Variants in LPIN2 observed in about 807,000 individuals in gnomAD.
The protein encoded by LPIN2 is phosphatidate phosphatase LPIN2.
In LPIN2, 55 loss-of-function variants were observed where a neutral mutation model predicts 111.4. That is an observed-to-expected ratio of 0.49 (90% confidence interval 0.40 to 0.62). LPIN2 has a LOEUF of 0.62. Among genes scored for constraint, LPIN2 ranks in the 20% least tolerant of loss-of-function variants. The pLI is 0.00. For missense variants in LPIN2, 992 were observed against 1,112.1 expected (o/e 0.89, Z 1.54); for synonymous variants, 425 against 414.0 (o/e 1.03, Z -0.32).
At position 2,920,727 on chromosome 18, in the gene LPIN2, A is replaced by T. The variant is rs3737514; in HGVS notation, c.2546+51T>A. On this transcript the variant is annotated intron_variant, in intron 19 of 19. Transcript: ENST00000677752. ...AAAGGACAGGGTCTGTCTGTCCCCAACTGTACCCCTGGCTGCAGGGCGCCG... is the reference window on the plus strand; with the variant it reads ...AAAGGACAGGGTCTGTCTGTCCCCATCTGTACCCCTGGCTGCAGGGCGCCG... The T allele has an allele frequency of 0.15, 205,021 of 1,382,128 alleles. 21,571 individuals carry two copies. Among genetic ancestry groups the T allele is most frequent in the East Asian group, 0.57 (25,082 of 43,646 alleles). The allele number at this position is 1,382,128 out of a possible 1,614,324, so 85.6% of individuals were successfully genotyped here.
At position 2,925,439 on chromosome 18, in the gene LPIN2, T is replaced by C; in HGVS notation, c.1794-71A>G. ...ATTGATGAGAGCTTTTCATTTAGGA[T>C]CAAGAAAATAAAGATATCCTAAATC... On this transcript the variant is annotated intron_variant, in intron 13 of 19. Transcript: ENST00000677752. This position sits in a 1 kb window ranked among gnomAD's most constrained non-coding sequence, Gnocchi z 4.1. 6.3e-7 allele frequency: 1 copy of C among 1,596,496 alleles called. No homozygotes were observed.
intron 1 of LPIN2, among the ~76,000 whole-genome samples, chr18:2,983,412 A>G (rs572864194): frequency 1.3e-5 from 2 of 152,374 alleles, no homozygotes; most frequent in Admixed American, 6.5e-5. Flanking sequence ...TGTAAAATTA[A>G]AACATTCCTG....
chr18:2,924,776 A>T (rs915824276), intron 14 of LPIN2, among the ~76,000 whole-genome samples: 2 of 152,142 alleles, frequency 1.3e-5, no homozygotes, highest in Non-Finnish European at 2.9e-5. Flanking sequence ...ACAAAGCAAA[A>T]GGTCTACTAC....
intron 1 of LPIN2, among the ~76,000 whole-genome samples, chr18:2,968,069 TCTC>T (rs760455703): frequency 3.3e-5 from 5 of 152,020 alleles, no homozygotes; most frequent in South Asian, 2.1e-4. Flanking sequence ...GCCCCAAATG[TCTC>T]CTCAAGAACA....
At chr18:3,011,099 AG>A (rs1291918549) in intron 1 of LPIN2, among the ~76,000 whole-genome samples, 2 of 152,160 alleles carry the variant, frequency 1.3e-5, no homozygotes, top group Admixed American at 6.5e-5. Context: ...TTTGGCTTTC[AG>A]GAACTCTGGG....
At chr18:2,920,706 G>T in intron 19 of LPIN2, 72 bp downstream of exon 19, 2 of 1,146,786 alleles carry the variant, frequency 1.7e-6, no homozygotes, top group Non-Finnish European at 2.6e-6. Context: ...GGGGGAAAAG[G>T]ACAGGGTCTG....
At chr18:3,012,820 C>A (rs1391548720) in intron 1 of LPIN2, among the ~76,000 whole-genome samples, 3 of 151,770 alleles carry the variant, frequency 2.0e-5, no homozygotes. Context: ...CCCCGGCTCC[C>A]CGCGCACCCC....
chr18:2,978,804 T>C (rs772497269), intron 1 of LPIN2, among the ~76,000 whole-genome samples: 1 of 152,220 alleles, frequency 6.6e-6, no homozygotes, highest in Non-Finnish European at 1.5e-5. Flanking sequence ...GGCATCATCG[T>C]CCTTGGGGCT....
At position 2,918,789 on chromosome 18, in the gene LPIN2, A is replaced by C. The variant is rs751740607; in HGVS notation, c.*1504T>G. 2.0e-5 allele frequency: 3 copies of C among 152,176 alleles called. No homozygotes were observed. The highest frequency in any genetic ancestry group is 6.5e-5 in the Admixed American group (1 of 15,278). 9.4% of individuals were successfully genotyped at this position (152,176 alleles called of 1,614,324 possible). ...GAAAAATAACCACCCCTATTTCTCT[A>C]TCTCTAGATCAGCATTATTTTAGGT... On this transcript the variant is annotated 3_prime_UTR_variant, in exon 20 of 20. Coordinates refer to ENST00000677752, the MANE Select transcript of LPIN2 (RefSeq NM_001375808.2).
intron 7 of LPIN2, 21 bp from the exon 8 acceptor site, chr18:2,934,471 AG>A: frequency 5.3e-6 from 8 of 1,507,368 alleles, no homozygotes; most frequent in Non-Finnish European, 7.4e-6. Context: ...AAAAAATCAG[AG>A]GTAAGAATTT....
At position 2,922,058 on chromosome 18, in the gene LPIN2, G is replaced by A. The variant is rs145270447; in HGVS notation, c.2316C>T (p.Ser772=). Residue 772 remains serine, a synonymous_variant, in exon 17 of 20, where the codon TCC becomes TCT. Transcript: ENST00000677752. ...PLMLSPSSLF[S]AFHREVIEKK... The stretch of plus-strand genomic sequence containing the variant: ...TGCCGGAGAGGTACCTGTGGAAGGC[G>A]GAGAACAAGCTGCTGGGGGACAGCA... 2.7e-4 allele frequency: 442 copies of A among 1,613,114 alleles called. 1 individual carries two copies. Among genetic ancestry groups the A allele is most frequent in the South Asian group, 6.4e-4 (58 of 91,038 alleles).
intron 1 of LPIN2, among the ~76,000 whole-genome samples, chr18:2,992,900 G>A (rs2078285699): frequency 6.6e-6 from 1 of 151,138 alleles, no homozygotes; most frequent in Non-Finnish European, 1.5e-5. Context: ...GCAGGAGAAT[G>A]GCGTGAACCT....
intron 3 of LPIN2, 112 bp from the exon 4 acceptor site, chr18:2,951,468 T>A: frequency 1.1e-6 from 1 of 897,938 alleles, no homozygotes; most frequent in African/African-American, 1.7e-5. Context: ...AAAAAATACA[T>A]ATTCCCTAAA....
Position 2,960,695 on chromosome 18 carries a change from T to A in LPIN2, c.146A>T (p.His49Leu), listed in dbSNP as rs1206251835. 6.2e-7 allele frequency: 1 copy of A among 1,614,036 alleles called. No homozygotes were observed. Among genetic ancestry groups the A allele is most frequent in the Admixed American group, 1.7e-5 (1 of 60,018 alleles). The change falls in exon 2 of 20, where the codon CAC (histidine) becomes CTC (leucine). Residue 49 changes from histidine to leucine, a missense_variant. Physicochemically the swap from His to Leu is moderately conservative, Grantham distance 99 (BLOSUM62 -3). This residue lies in a region of LPIN2 where 67 missense variants were observed against 112.1 expected (regional missense o/e 0.60). Transcript: ENST00000677752. The part of the protein sequence containing the change: ...QDGSYQCSPF[H>L]VRFGKLGVLR... ...GACTCCCAGCTTTCCAAACCGAACG[T>A]GAAAAGGTGAACACTGATAGCTGCC...
At chr18:2,924,289 C>T in intron 15 of LPIN2, 109 bp downstream of exon 15, 1 of 1,420,432 alleles carries the variant, frequency 7.0e-7, no homozygotes, top group African/African-American at 1.4e-5. Flanking sequence ...TATAAAATGC[C>T]TTGGCTGAGG....
At chr18:2,991,737 C>T (rs1016328500) in intron 1 of LPIN2, among the ~76,000 whole-genome samples, 4 of 152,008 alleles carry the variant, frequency 2.6e-5, no homozygotes, top group African/African-American at 9.7e-5. Context: ...TAAGGCCGGG[C>T]ACAGTGGCTC....
In LPIN2 at chr18:2,981,306, G is replaced by A. The variant is rs1382387033; in HGVS notation, c.-9-20457C>T. Among the ~76,000 whole-genome samples, 3 of 152,294 alleles carry A rather than the reference G, an allele frequency of 2.0e-5. No homozygotes were observed. The East Asian group carries it at 5.8e-4, about 29-fold the overall frequency. ...CTATATAATCATTACAGGCTACTAA[G>A]CAGATATCAGATCCTTATCCCAAAC... On this transcript the variant is annotated intron_variant, in intron 1 of 19. Transcript: ENST00000677752.
chr18:2,920,125 C>G lies in LPIN2; in HGVS notation c.*168G>C. 2 of 853,592 alleles carry G rather than the reference C, an allele frequency of 2.3e-6. No individual in the cohort carries two copies. The highest frequency in any genetic ancestry group is 2.1e-5 in the Admixed American group (1 of 47,752). The allele number at this position is 853,592 out of a possible 1,614,324, so 52.9% of individuals were successfully genotyped here. On this transcript the variant is annotated 3_prime_UTR_variant, in exon 20 of 20. Transcript: ENST00000677752. ...TCCAGGAGCTGAGCTGCAGACCTGCCGAGCCTGAGCAGCTGGCCTGGGAAG... is the reference window on the plus strand; with the variant it reads ...TCCAGGAGCTGAGCTGCAGACCTGCGGAGCCTGAGCAGCTGGCCTGGGAAG...
intron 1 of LPIN2, chr18:2,982,723 C>A (rs973349145): frequency 1.5e-6 from 2 of 1,303,410 alleles, no homozygotes; most frequent in Admixed American, 4.6e-5. Flanking sequence ...ACTTAATGAG[C>A]CTTTACAAAC....
Sources: allele counts gnomAD v4.1 joint callset (sites outside exome capture counted in the v4.1 genomes callset), GRCh38; gene constraint gnomAD v4.1.1; regional missense constraint gnomAD v4.1.1; non-coding constraint Gnocchi (gnomAD v3.1); transcripts MANE v1.5; gene names NCBI Gene and HGNC (gene_info 2026-07-23, HGNC 2026-07-21).